Variants in HPCAL1 observed in about 807,000 individuals in gnomAD.
HPCAL1 encodes hippocalcin-like protein 1.
HPCAL1 carries 8 observed loss-of-function variants against 17.1 expected under a neutral mutation model. The observed-to-expected ratio is 0.47, with a 90% CI of 0.27 to 0.84. The LOEUF (loss-of-function observed/expected upper bound fraction) is 0.84. Among genes scored for constraint, HPCAL1 ranks in the 40% least tolerant of loss-of-function variants. HPCAL1 has a pLI of 0.13. For missense variants in HPCAL1, 165 were observed against 271.1 expected (o/e 0.61, Z 2.75); for synonymous variants, 112 against 111.4 (o/e 1.01, Z -0.03).
chr2:10,412,157 C>T (rs144458342), intron 2 of HPCAL1, among the ~76,000 whole-genome samples: 6 of 152,214 alleles, frequency 3.9e-5, no homozygotes, highest in Admixed American at 1.3e-4. Context: ...CACGCAGTCA[C>T]GCAAGGACTT....
chr2:10,375,819 A>C (rs925718799), intron 1 of HPCAL1, among the ~76,000 whole-genome samples: 31 of 152,208 alleles, frequency 2.0e-4, no homozygotes, highest in Non-Finnish European at 3.4e-4. Flanking sequence ...GCCCGAAGGA[A>C]TCGATTGACA....
intron 2 of HPCAL1, among the ~76,000 whole-genome samples, chr2:10,397,319 TC>T (rs1346867199): frequency 6.6e-6 from 1 of 152,118 alleles, no homozygotes; most frequent in African/African-American, 2.4e-5. Context: ...TTGTCTTCTA[TC>T]CCCTGCAGCC....
rs1044904326 is a variant in HPCAL1 at position 10,323,231 on chromosome 2, G to A, written c.-111+20054G>A. On this transcript the variant is annotated intron_variant, in intron 1 of 4. Transcript: ENST00000307845. The surrounding 1 kb of genome is among the most constrained non-coding windows in gnomAD (Gnocchi z 4.6). ...TATGCATGGGGTCACGGTGCTCCAC[G>A]CTCTCAACCGTTGGTTGCAGGTTCC... Among the ~76,000 whole-genome samples, 15 of 152,324 alleles carry A rather than the reference G, an allele frequency of 9.8e-5. No homozygotes were observed. The highest frequency in any genetic ancestry group is 1.3e-4 in the Non-Finnish European group (9 of 68,038).
Position 10,344,292 on chromosome 2 carries a change from A to G in HPCAL1, c.-111+41115A>G, listed in dbSNP as rs972757881. ...GTGGGGTGTGCAGCAGCCCTGAGCC[A>G]AGGATTAATTACGTAACAAGCCCAG... On this transcript the variant is annotated intron_variant, in intron 1 of 4. Transcript: ENST00000307845. This position sits in a 1 kb window ranked among gnomAD's most constrained non-coding sequence, Gnocchi z 4.9. Among the ~76,000 whole-genome samples, 1 of 152,176 alleles carries G rather than the reference A, an allele frequency of 6.6e-6. No homozygotes were observed. Among genetic ancestry groups the G allele is most frequent in the Non-Finnish European group, 1.5e-5 (1 of 68,038 alleles).
intron 2 of HPCAL1, among the ~76,000 whole-genome samples, chr2:10,414,492 C>T (rs1195256801): frequency 3.3e-5 from 5 of 152,170 alleles, no homozygotes; most frequent in Admixed American, 3.3e-4. Context: ...CCCTGTGTGT[C>T]TGTGTCCTCA....
chr2:10,422,456 C>A (rs1410148981), intron 3 of HPCAL1, among the ~76,000 whole-genome samples: 1 of 152,208 alleles, frequency 6.6e-6, no homozygotes, highest in Non-Finnish European at 1.5e-5. Context: ...CGCAGAGAGA[C>A]CAGTGGCTAG....
intron 1 of HPCAL1, among the ~76,000 whole-genome samples, chr2:10,353,039 C>G (rs1665924395): frequency 6.6e-6 from 1 of 152,156 alleles, no homozygotes. Flanking sequence ...TTTGGTTGAC[C>G]AGGTTAGGGT....
chr2:10,418,618 G>C (rs1317467338), intron 2 of HPCAL1, among the ~76,000 whole-genome samples: 1 of 152,182 alleles, frequency 6.6e-6, no homozygotes, highest in African/African-American at 2.4e-5. Flanking sequence ...TAGGGTAGGA[G>C]ACATCTTTTT....
Position 10,419,785 on chromosome 2 carries a change from C to T in HPCAL1, c.28C>T (p.Pro10Ser). 2 of 1,612,744 alleles carry T rather than the reference C, an allele frequency of 1.2e-6. No individual in the cohort carries two copies. The highest frequency in any genetic ancestry group is 1.7e-6 in the Non-Finnish European group (2 of 1,179,434). ...GGGCAAACAGAACAGCAAGCTGCGG[C>T]CCGAGGTGCTGCAGGACCTGCGGGA... MGKQNSKLR[P>S]EVLQDLRENT... Residue 10 changes from proline (P) to serine (S), a missense_variant, in exon 3 of 5, where the codon CCC becomes TCC. Physicochemically the swap from Pro to Ser is moderately conservative, Grantham distance 74 (BLOSUM62 -1). Coordinates refer to ENST00000307845, the MANE Select transcript of HPCAL1 (RefSeq NM_002149.4). This position sits in a 1 kb window ranked among gnomAD's most constrained non-coding sequence, Gnocchi z 5.0.
intron 1 of HPCAL1, among the ~76,000 whole-genome samples, chr2:10,386,795 C>T (rs1668342019): frequency 6.6e-6 from 1 of 152,236 alleles, no homozygotes; most frequent in Admixed American, 6.5e-5. Flanking sequence ...GGACCCCTTC[C>T]ACCTCTCCAT....
chr2:10,348,530 A>C (rs1665615580), intron 1 of HPCAL1, among the ~76,000 whole-genome samples: 1 of 152,042 alleles, frequency 6.6e-6, no homozygotes, highest in African/African-American at 2.4e-5. Flanking sequence ...TTGGGAGACC[A>C]AGGTGGGGGG....
At chr2:10,411,440 C>A (rs1444761602) in intron 2 of HPCAL1, among the ~76,000 whole-genome samples, 1 of 152,216 alleles carries the variant, frequency 6.6e-6, no homozygotes, top group East Asian at 1.9e-4. Context: ...ACTGTGTCCT[C>A]CCCTGGATGT....
rs1669780394 is a variant in HPCAL1 at position 10,403,583 on chromosome 2, A to C, written c.-25+6663A>C. Among the ~76,000 whole-genome samples the C allele has an allele frequency of 2.0e-5, 3 of 152,054 alleles. No individual in the cohort carries two copies. In the South Asian group the frequency reaches 6.2e-4, roughly 32 times the overall value. ...GCTGCAACCTCCGCCTCCCAGGTTC[A>C]AATGAGTCTCCTGCCTCAGCCTCCT... On this transcript the variant is annotated intron_variant, in intron 2 of 4. Transcript: ENST00000307845.
chr2:10,401,246 C>T (rs917566993), intron 2 of HPCAL1, among the ~76,000 whole-genome samples: 7 of 152,182 alleles, frequency 4.6e-5, no homozygotes, highest in Non-Finnish European at 1.0e-4. Context: ...CATCCAGCAC[C>T]ACACCAGGCA....
At chr2:10,383,834 G>T (rs1668127903) in intron 1 of HPCAL1, among the ~76,000 whole-genome samples, 2 of 152,038 alleles carry the variant, frequency 1.3e-5, no homozygotes, top group South Asian at 4.1e-4. Context: ...GTGCATTGTG[G>T]GGTATTGAGC....
chr2:10,306,112 G>T (rs1300161838), intron 1 of HPCAL1, among the ~76,000 whole-genome samples: 1 of 152,114 alleles, frequency 6.6e-6, no homozygotes, highest in African/African-American at 2.4e-5. Context: ...GGGTACTAAC[G>T]GGGGCCCCGG....
chr2:10,402,787 A>G (rs1669705488), intron 2 of HPCAL1, among the ~76,000 whole-genome samples: 1 of 152,186 alleles, frequency 6.6e-6, no homozygotes, highest in South Asian at 2.1e-4. Context: ...GACACCAGGC[A>G]GGCACCTGAG....
intron 1 of HPCAL1, among the ~76,000 whole-genome samples, chr2:10,374,780 A>G (rs1377017580): frequency 6.6e-6 from 1 of 152,238 alleles, no homozygotes; most frequent in Non-Finnish European, 1.5e-5. Flanking sequence ...ACTGCCTTTC[A>G]GCCGTGGCCC....
At chr2:10,358,625 G>A (rs777263864) in intron 1 of HPCAL1, among the ~76,000 whole-genome samples, 8 of 152,182 alleles carry the variant, frequency 5.3e-5, no homozygotes, top group East Asian at 3.9e-4. Flanking sequence ...AGAGGACGTC[G>A]GGGGAACATG....
Sources: allele counts gnomAD v4.1 joint callset (sites outside exome capture counted in the v4.1 genomes callset), GRCh38; gene constraint gnomAD v4.1.1; non-coding constraint Gnocchi (gnomAD v3.1); transcripts MANE v1.5; gene names NCBI Gene and HGNC (gene_info 2026-07-23, HGNC 2026-07-21).